ADAM10: variants seen among roughly 807,000 people sequenced by gnomAD.
The protein encoded by ADAM10 is ADAM metallopeptidase domain 10.
In ADAM10, 17 loss-of-function variants were observed where a neutral mutation model predicts 90.1. The ratio of observed to expected loss-of-function variants is 0.19; its 90% confidence interval spans 0.13 to 0.28. The LOEUF (loss-of-function observed/expected upper bound fraction) is 0.28, where lower values mean the gene tolerates loss of function less well. ADAM10 is among the 10% of genes least tolerant of loss of function. The pLI is 1.00. For missense variants in ADAM10, 610 were observed against 914.3 expected (o/e 0.67, Z 4.29); for synonymous variants, 310 against 298.6 (o/e 1.04, Z -0.40).
intron 14 of ADAM10, among the ~76,000 whole-genome samples, chr15:58,599,970 ATTT>A (rs1164563154): frequency 1.3e-5 from 2 of 152,010 alleles, no homozygotes; most frequent in Admixed American, 1.3e-4. Context: ...GCTCAATCTG[ATTT>A]TTTTTAGTCT....
At chr15:58,655,685 TATTATATATAGTATATATATATATAGTA>T (rs1896794100) in intron 5 of ADAM10, among the ~76,000 whole-genome samples, 1 of 93,012 alleles carries the variant, frequency 1.1e-5, no homozygotes, top group Non-Finnish European at 1.8e-5. Context: ...TACATATATA[TATTATATATAGTATATATATATATAGTA>T]TATATATATA....
chr15:58,728,537 C>T (rs1899118469), intron 1 of ADAM10, among the ~76,000 whole-genome samples: 1 of 150,974 alleles, frequency 6.6e-6, no homozygotes, highest in Middle Eastern at 3.5e-3. Context: ...GTGAGGCATT[C>T]GAGACCAGCC....
intron 2 of ADAM10, among the ~76,000 whole-genome samples, chr15:58,711,437 G>A (rs1488594054): frequency 6.6e-6 from 1 of 152,150 alleles, no homozygotes; most frequent in Admixed American, 6.5e-5. Flanking sequence ...AGGAAACTGA[G>A]GCTCAGAAGA....
In ADAM10 at chr15:58,593,051, T is replaced by A. The variant is rs1894858459; in HGVS notation, c.*4496A>T. On this transcript the variant is annotated 3_prime_UTR_variant, in exon 16 of 16. Coordinates refer to ENST00000260408, the MANE Select transcript of ADAM10 (RefSeq NM_001110.4). Reference sequence around the variant, plus strand: ...AGAGTAGTTAATGTGATATACATTATCAATGTACCATTAAATGAGAAAGGT... The same window carrying A: ...AGAGTAGTTAATGTGATATACATTAACAATGTACCATTAAATGAGAAAGGT... 6.8e-6 allele frequency: 1 copy of A among 147,962 alleles called. No homozygotes were observed. Among genetic ancestry groups the A allele is most frequent in the Non-Finnish European group, 1.5e-5 (1 of 67,244 alleles). 9.2% of individuals were successfully genotyped at this position (147,962 alleles called of 1,614,324 possible).
At chr15:58,663,365 A>G (rs1596043015) in intron 5 of ADAM10, among the ~76,000 whole-genome samples, 1 of 152,182 alleles carries the variant, frequency 6.6e-6, no homozygotes, top group Admixed American at 6.5e-5. Context: ...ACCACATAAC[A>G]AAGTTTCATA....
chr15:58,635,294 G>A (rs8026470), intron 8 of ADAM10, among the ~76,000 whole-genome samples: 96,083 of 103,162 alleles, frequency 0.93, 45,261 homozygotes, highest in East Asian at 0.99. Flanking sequence ...AAAAAAAAAA[G>A]AAAGAAAGAA....
At chr15:58,664,614 T>C (rs193022855) in intron 5 of ADAM10, among the ~76,000 whole-genome samples, 2 of 152,148 alleles carry the variant, frequency 1.3e-5, no homozygotes, top group African/African-American at 2.4e-5. Flanking sequence ...TTTGAACTTA[T>C]GTTTTGAATA....
At chr15:58,609,547 C>T (rs530301165) in intron 14 of ADAM10, 2 of 153,388 alleles carry the variant, frequency 1.3e-5, no homozygotes, top group South Asian at 4.1e-4. Context: ...CACATACACA[C>T]TAATTTGAGA....
intron 14 of ADAM10, among the ~76,000 whole-genome samples, chr15:58,606,028 G>A (rs921769970): frequency 5.9e-5 from 9 of 152,112 alleles, no homozygotes; most frequent in South Asian, 2.1e-4. Flanking sequence ...ATAATCTACT[G>A]TTCTTAAAGA....
At chr15:58,747,569 GTTACAATAAAA>G (rs1899831634) in intron 1 of ADAM10, 1 of 152,072 alleles carries the variant, frequency 6.6e-6, no homozygotes, top group African/African-American at 2.4e-5. Flanking sequence ...ATACCCCATA[GTTACAATAAAA>G]TTACAAGTAT....
chr15:58,609,245 C>T (rs1895366481), intron 14 of ADAM10: 1 of 152,080 alleles, frequency 6.6e-6, no homozygotes. Flanking sequence ...TTTAAGGAAA[C>T]CTAAGTTAAG....
intron 5 of ADAM10, 61 bp downstream of exon 5, chr15:58,665,036 A>C (rs758075555): frequency 4.1e-5 from 50 of 1,217,304 alleles, no homozygotes; most frequent in Non-Finnish European, 6.1e-5. Flanking sequence ...TTTTAAATGT[A>C]GATATACATC....
intron 1 of ADAM10, among the ~76,000 whole-genome samples, chr15:58,737,525 G>A (rs1395928866): frequency 6.6e-6 from 1 of 152,018 alleles, no homozygotes; most frequent in African/African-American, 2.4e-5. Flanking sequence ...CCTGACTCTG[G>A]ATAAGTAACC....
intron 1 of ADAM10, among the ~76,000 whole-genome samples, chr15:58,736,931 AC>A (rs774925960): frequency 3.3e-5 from 5 of 152,060 alleles, no homozygotes; most frequent in Non-Finnish European, 7.4e-5. Flanking sequence ...CCTGGGCAAC[AC>A]AGTAACACCC....
chr15:58,690,489 T>C (rs1241178365), intron 2 of ADAM10, among the ~76,000 whole-genome samples: 2 of 152,192 alleles, frequency 1.3e-5, no homozygotes, highest in African/African-American at 4.8e-5. Flanking sequence ...GCATATTCTT[T>C]ATTTTACATA....
chr15:58,737,013 A>C (rs184418402), intron 1 of ADAM10, among the ~76,000 whole-genome samples: 6 of 152,212 alleles, frequency 3.9e-5, no homozygotes, highest in Admixed American at 3.9e-4. Flanking sequence ...TGGCAGAAAA[A>C]TGACCAGCAG....
At chr15:58,700,948 T>A (rs1898113917) in intron 2 of ADAM10, among the ~76,000 whole-genome samples, 1 of 143,352 alleles carries the variant, frequency 7.0e-6, no homozygotes, top group Admixed American at 7.6e-5. Context: ...AAGCTTGCAA[T>A]GAGCTATGAT....
At chr15:58,728,158 G>T (rs114645480) in intron 1 of ADAM10, among the ~76,000 whole-genome samples, 13 of 152,128 alleles carry the variant, frequency 8.5e-5, no homozygotes, top group African/African-American at 2.7e-4. Context: ...TCTGACTACA[G>T]GAGAATTAAG....
At chr15:58,745,375 CT>C (rs1284539571) in intron 1 of ADAM10, among the ~76,000 whole-genome samples, 1 of 152,032 alleles carries the variant, frequency 6.6e-6, no homozygotes, top group Non-Finnish European at 1.5e-5. Context: ...TAATATGACC[CT>C]CAACTAATTT....
Sources: allele counts gnomAD v4.1 joint callset (sites outside exome capture counted in the v4.1 genomes callset), GRCh38; gene constraint gnomAD v4.1.1; transcripts MANE v1.5; gene names NCBI Gene and HGNC (gene_info 2026-07-23, HGNC 2026-07-21).